ZNF540: variants seen among roughly 807,000 people sequenced by gnomAD.
ZNF540 encodes the protein zinc finger protein 540, also known as CTD-3064H18.6.
In ZNF540, 3 loss-of-function variants were observed where a neutral mutation model predicts 11.8. The observed-to-expected ratio is 0.25, with a 90% CI of 0.12 to 0.65. The LOEUF (loss-of-function observed/expected upper bound fraction) is 0.65. Ranked by LOEUF, ZNF540 falls within the 30% of genes least tolerant of loss-of-function variation. The pLI is 0.83. For synonymous variants in ZNF540, 247 were observed against 259.0 expected, an observed-to-expected ratio of 0.95 and a Z score of 0.45; for missense variants, 709 against 793.1, an observed-to-expected ratio of 0.89 and a Z score of 1.27.
At chr19:37,598,229 G>T in intron 1 of ZNF540, 147 bp from the exon 2 acceptor site, 1 of 565,578 alleles carries the variant, frequency 1.8e-6, no homozygotes, top group Non-Finnish European at 3.2e-6. Flanking sequence ...CCCTTGCTGT[G>T]GTGAGTGTGT....
intron 1 of ZNF540, chr19:37,595,489 A>C (rs2043982711): frequency 1.3e-5 from 2 of 152,228 alleles, no homozygotes; most frequent in African/African-American, 4.8e-5. Context: ...ATAGATTCCC[A>C]TGAAATTATA....
chr19:37,571,102 A>T (rs1316342966), intron 1 of ZNF540, among the ~76,000 whole-genome samples: 1 of 152,236 alleles, frequency 6.6e-6, no homozygotes, highest in East Asian at 1.9e-4. Flanking sequence ...CTCATACAGC[A>T]TTACTAATTA....
In ZNF540 at chr19:37,613,219, T is replaced by A; in HGVS notation, c.1939T>A (p.Tyr647Asn). 1 of 1,542,388 alleles carries A rather than the reference T, an allele frequency of 6.5e-7. No individual in the cohort carries two copies. The highest frequency in any genetic ancestry group is 8.7e-7 in the Non-Finnish European group (1 of 1,144,850). The change falls in exon 5 of 5, where the codon TAT (tyrosine) becomes AAT (asparagine). Residue 647 changes from tyrosine to asparagine, a missense_variant. Coordinates refer to ENST00000316433, the MANE Select transcript of ZNF540 (RefSeq NM_001172225.3). ...CKVCRKAFRQ[Y>N]SHLYQHQKTH... is the part of the protein sequence containing the mutation. Reference sequence around the variant, plus strand: ...GGTATGTAGAAAGGCCTTTAGACAATATTCACATCTTTATCAACATCAGAA... The same window carrying A: ...GGTATGTAGAAAGGCCTTTAGACAAAATTCACATCTTTATCAACATCAGAA...
rs753333724 is a variant in ZNF540, at chr19:37,565,589, T to TC, written c.-73+13925dup. The TC allele has an allele frequency of 8.7e-6, 14 of 1,613,470 alleles. No individual in the cohort carries two copies. The East Asian group carries it at 2.9e-4, about 33-fold the overall frequency. Reference sequence around the variant, plus strand: ...AAAGGCCTTCCCACAATCCTTACATTCATAGGGTTTTTCACCACTATGAAT... The same window carrying TC: ...AAAGGCCTTCCCACAATCCTTACATTCCATAGGGTTTTTCACCACTATGAAT... On this transcript the variant is annotated intron_variant, in intron 1 of 4. Coordinates refer to the ZNF540 transcript ENST00000592533.
At chr19:37,589,200 CA>C (rs35689698) in intron 1 of ZNF540, among the ~76,000 whole-genome samples, 49 of 108,906 alleles carry the variant, frequency 4.5e-4, no homozygotes, top group African/African-American at 9.7e-4. Context: ...AACTCCGTCT[CA>C]AAAAAAAAAA....
chr19:37,575,886 G>C (rs764352657), intron 1 of ZNF540: 2 of 152,188 alleles, frequency 1.3e-5, no homozygotes, highest in Non-Finnish European at 2.9e-5. Context: ...GGTGGACATA[G>C]TAAAAAACAT....
At chr19:37,604,417 C>T (rs1332231669) in intron 4 of ZNF540, among the ~76,000 whole-genome samples, 1 of 150,096 alleles carries the variant, frequency 6.7e-6, no homozygotes, top group Non-Finnish European at 1.5e-5. Flanking sequence ...ACGCCATTCT[C>T]CTGCCTTAGC....
At chr19:37,565,208 A>C (rs1290385706) in intron 1 of ZNF540, 1 of 1,612,822 alleles carries the variant, frequency 6.2e-7, no homozygotes, top group Non-Finnish European at 8.5e-7. Flanking sequence ...TTGATGTTGA[A>C]TAAGATTAGA....
intron 1 of ZNF540, among the ~76,000 whole-genome samples, chr19:37,576,814 A>T (rs986969435): frequency 2.0e-5 from 3 of 152,216 alleles, no homozygotes; most frequent in African/African-American, 7.2e-5. Context: ...TAACAAAGTT[A>T]TTCACTTTGT....
At chr19:37,564,424 G>A (rs571057359) in intron 1 of ZNF540, 135 of 471,210 alleles carry the variant, frequency 2.9e-4, no homozygotes, top group Admixed American at 4.6e-4. Flanking sequence ...ATATTCTAGC[G>A]TTTATAGAGA....
At chr19:37,595,577 T>A (rs1417743393) in intron 1 of ZNF540, 1 of 152,124 alleles carries the variant, frequency 6.6e-6, no homozygotes, top group Non-Finnish European at 1.5e-5. Flanking sequence ...CATAATATGG[T>A]GAGAATGAGC....
rs370246108 is a variant in ZNF540 at position 37,556,095 on chromosome 19, G to GC, written c.-73+4431dup. 1.0e-3 allele frequency: 706 copies of GC among 702,762 alleles called. 3 individuals carry two copies. The African/African-American group carries it at 0.011, about 11-fold the overall frequency. The allele number at this position is 702,762 out of a possible 1,614,324, so 43.5% of individuals were successfully genotyped here. On this transcript the variant is annotated intron_variant, in intron 1 of 4. Coordinates refer to the ZNF540 transcript ENST00000592533. The stretch of plus-strand genomic sequence containing the variant: ...GCTCCTGGAGTGTCCAAATCCTGCT[G>GC]CAAGGTTGACACTTCCTGCTTTTGG...
chr19:37,552,803 CGAGT>C, intron 1 of ZNF540, among the ~76,000 whole-genome samples: 1 of 151,994 alleles, frequency 6.6e-6, no homozygotes, highest in East Asian at 2.0e-4. Context: ...CAAAATTAGC[CGAGT>C]GTGGTGGCGT....
At chr19:37,607,027 C>T (rs982941023) in intron 4 of ZNF540, among the ~76,000 whole-genome samples, 1 of 151,674 alleles carries the variant, frequency 6.6e-6, no homozygotes, top group Non-Finnish European at 1.5e-5. Flanking sequence ...TGTAAGAGTT[C>T]TTTATATATC....
At chr19:37,592,062 A>C (rs2043883965), upstream of ZNF540, among the ~76,000 whole-genome samples, 2 of 151,886 alleles carry the variant, frequency 1.3e-5, no homozygotes, top group African/African-American at 4.8e-5. Flanking sequence ...GTTGCAGACC[A>C]GCCTGGGCAA....
At position 37,608,710 on chromosome 19, in the gene ZNF540, C is replaced by T. The variant is rs561268176; in HGVS notation, c.233-2803C>T. 9.2e-5 allele frequency among the ~76,000 whole-genome samples: 14 copies of T among 152,256 alleles called. No individual in the cohort carries two copies. In the South Asian group the frequency reaches 2.9e-3, roughly 32 times the overall value. ...GTCTCAGTCTTTCGGTGCACCTGTGCCACCTGATGGACCTTAACCAGTGCT... is the reference window on the plus strand; with the variant it reads ...GTCTCAGTCTTTCGGTGCACCTGTGTCACCTGATGGACCTTAACCAGTGCT... On this transcript the variant is annotated intron_variant, in intron 4 of 4. Transcript: ENST00000316433.
intron 1 of ZNF540, chr19:37,575,688 A>C (rs913022214): frequency 6.6e-6 from 1 of 152,162 alleles, no homozygotes; most frequent in Admixed American, 6.5e-5. Flanking sequence ...TGGTGGACTA[A>C]TGGCTAACCA....
At chr19:37,552,290 G>T (rs553635044) in intron 1 of ZNF540, among the ~76,000 whole-genome samples, 19 of 152,132 alleles carry the variant, frequency 1.2e-4, no homozygotes, top group Non-Finnish European at 4.4e-5. Context: ...TTATGGCTCA[G>T]AATATAAACA....
At chr19:37,574,957 C>A (rs2043192839) in intron 1 of ZNF540, among the ~76,000 whole-genome samples, 1 of 152,148 alleles carries the variant, frequency 6.6e-6, no homozygotes, top group South Asian at 2.1e-4. Context: ...AAACTCTTCA[C>A]CCTCAAAAAT....
Sources: gnomAD v4.1 joint callset for allele counts (sites outside exome capture counted in the v4.1 genomes callset) on GRCh38, gnomAD v4.1.1 for gene constraint, MANE v1.5 for transcripts, NCBI Gene and HGNC (gene_info 2026-07-23, HGNC 2026-07-21) for gene names.